Variants in SLC2A11 observed in about 807,000 individuals in gnomAD.
SLC2A11 encodes solute carrier family 2, facilitated glucose transporter member 11.
Under a neutral mutation model 52.1 loss-of-function variants are expected in SLC2A11, and 43 were observed. The observed-to-expected ratio is 0.82, with a 90% CI of 0.65 to 1.06. The LOEUF is 1.06. SLC2A11 is among the 50% of genes least tolerant of loss of function. The pLI, the probability that SLC2A11 is intolerant of heterozygous loss-of-function variation, is 0.00. For synonymous variants in SLC2A11, 261 were observed against 277.6 expected (o/e 0.94, Z 0.59); for missense variants, 582 against 654.2 (o/e 0.89, Z 1.20).
rs1211052638 is a variant in SLC2A11, at chr22:23,886,265, A to C, written c.*1416A>C. 6.6e-6 allele frequency: 1 copy of C among 152,220 alleles called. No homozygotes were observed. The highest frequency in any genetic ancestry group is 1.5e-5 in the Non-Finnish European group (1 of 68,040). The allele number at this position is 152,220 out of a possible 1,614,324, so 9.4% of individuals were successfully genotyped here. ...GTTGGTGAACATTTTGGCTGTTTCT[A>C]ATTCTTGGCCATCATGAATAAAACT... On this transcript the variant is annotated 3_prime_UTR_variant, in exon 12 of 12. Coordinates refer to ENST00000316185, the MANE Select transcript of SLC2A11 (RefSeq NM_001024939.4).
At chr22:23,857,588 G>T (rs1003030731), upstream of SLC2A11, 1 of 854,994 alleles carries the variant, frequency 1.2e-6, no homozygotes, top group Non-Finnish European at 1.5e-6. Context: ...CCCCCCCCCC[G>T]CGGCGGCGAC....
In SLC2A11 at chr22:23,884,251, G is replaced by A; in HGVS notation, c.1172-51G>A. ...ATGTCTGGGCTGGGGTCGGGGAGAG[G>A]CAGGCAGGGAACCCTGGCCAGCAGC... On this transcript the variant is annotated intron_variant, in intron 10 of 11. Transcript: ENST00000316185. This position sits in a 1 kb window ranked among gnomAD's most constrained non-coding sequence, Gnocchi z 4.3. 1 of 1,580,174 alleles carries A rather than the reference G, an allele frequency of 6.3e-7. No homozygotes were observed. The highest frequency in any genetic ancestry group is 1.3e-5 in the African/African-American group (1 of 74,334).
chr22:23,868,365 C>T, intron 2 of SLC2A11, 116 bp from the exon 3 acceptor site: 1 of 1,280,366 alleles, frequency 7.8e-7, no homozygotes, highest in South Asian at 1.3e-5. Flanking sequence ...AGACACGGTG[C>T]CTGTTGTCAT....
At position 23,857,991 on chromosome 22, in the gene SLC2A11, C is replaced by T. The variant is rs377726165; in HGVS notation, c.-9C>T. The T allele has an allele frequency of 1.3e-6, 2 of 1,591,142 alleles. No individual in the cohort carries two copies. Among genetic ancestry groups the T allele is most frequent in the Admixed American group, 1.7e-5 (1 of 57,926 alleles). On this transcript the variant is annotated 5_prime_UTR_variant, in exon 1 of 12. Coordinates refer to ENST00000316185, the MANE Select transcript of SLC2A11 (RefSeq NM_001024939.4). Reference sequence around the variant, plus strand: ...GACAGCAAGACCTCCGCTCAGGCCCCTCTTTCGAATGCTCCACGCCCTCCT... The same window carrying T: ...GACAGCAAGACCTCCGCTCAGGCCCTTCTTTCGAATGCTCCACGCCCTCCT...
intron 1 of SLC2A11, among the ~76,000 whole-genome samples, chr22:23,861,873 G>A (rs548352533): frequency 6.6e-6 from 1 of 152,318 alleles, no homozygotes. Context: ...GCTATGGGTG[G>A]GGTGAGGGTA....
chr22:23,884,706 A>T lies in SLC2A11; in HGVS notation c.1357A>T (p.Ile453Phe). 1 of 1,613,970 alleles carries T rather than the reference A, an allele frequency of 6.2e-7. No individual in the cohort carries two copies. The highest frequency in any genetic ancestry group is 2.2e-5 in the East Asian group (1 of 44,864). ...PFLGVCVCGA[I>F]YTGLFLPETK... ...CCTTGGTGTCTGTGTCTGTGGGGCC[A>T]TCTACACTGGCCTGTTCCTTCCTGA... The change falls in exon 12 of 12, where the codon ATC becomes TTC. Residue 453 changes from isoleucine to phenylalanine, a missense_variant. Transcript: ENST00000316185. This position sits in a 1 kb window ranked among gnomAD's most constrained non-coding sequence, Gnocchi z 4.3.
chr22:23,884,181 C>A lies in SLC2A11; in HGVS notation c.1172-121C>A. The A allele has an allele frequency of 6.8e-7, 1 of 1,481,344 alleles. No homozygotes were observed. Among genetic ancestry groups the A allele is most frequent in the South Asian group, 1.3e-5 (1 of 75,462 alleles). The allele number at this position is 1,481,344 out of a possible 1,614,324, so 91.8% of individuals were successfully genotyped here. A position where few individuals can be genotyped will look rare whatever the true frequency, so the allele number is the denominator to read the frequency against. On this transcript the variant is annotated intron_variant, in intron 10 of 11. Coordinates refer to ENST00000316185, the MANE Select transcript of SLC2A11 (RefSeq NM_001024939.4). The surrounding 1 kb of genome is among the most constrained non-coding windows in gnomAD (Gnocchi z 4.3). ...CTGGGAGGGAATGGCAGGAGGAGAG[C>A]ACTGAGGGGCCCCCCATACAGACTG...
intron 5 of SLC2A11, 107 bp from the exon 6 acceptor site, chr22:23,877,614 G>T (rs1236046663): frequency 1.5e-6 from 2 of 1,379,160 alleles, no homozygotes; most frequent in East Asian, 5.0e-5. Context: ...AAGAGGCACG[G>T]GGCAATTGCA....
chr22:23,874,453 A>ATT (rs35493116), intron 3 of SLC2A11, among the ~76,000 whole-genome samples: 2 of 144,346 alleles, frequency 1.4e-5, no homozygotes, highest in Non-Finnish European at 1.5e-5. Context: ...TGCATGGCTA[A>ATT]TTTTTTTTTT....
intron 6 of SLC2A11, 47 bp downstream of exon 6, chr22:23,877,916 G>A: frequency 3.8e-6 from 6 of 1,573,246 alleles, no homozygotes; most frequent in Non-Finnish European, 5.2e-6. Context: ...ACCAAGGGAT[G>A]CATCTCCCCA....
At chr22:23,868,744 C>G (rs1229213000) in intron 3 of SLC2A11, 103 bp downstream of exon 3, 22 of 1,372,542 alleles carry the variant, frequency 1.6e-5, no homozygotes, top group Non-Finnish European at 1.2e-5. Context: ...AAGCTCCAGG[C>G]CCAGATCAGC....
upstream of SLC2A11, chr22:23,857,272 A>G (rs1369532861): frequency 1.3e-6 from 1 of 776,014 alleles, no homozygotes; most frequent in Non-Finnish European, 2.1e-6. Flanking sequence ...CAGAGACTGT[A>G]GCAAAGGAGG....
At position 23,883,942 on chromosome 22, in the gene SLC2A11, AC is replaced by A. The variant is rs761155956; in HGVS notation, c.1096-6del. 6.2e-7 allele frequency: 1 copy of A among 1,611,756 alleles called. No individual in the cohort carries two copies. The highest frequency in any genetic ancestry group is 2.2e-5 in the East Asian group (1 of 44,712). On this transcript the variant is annotated splice_polypyrimidine_tract_variant and splice_region_variant and intron_variant, in intron 9 of 11. Transcript: ENST00000316185. ...CTTCCACCTCACCCCCGCCCCGTCC[AC>A]GGCAGAGCTCCTTCCCCTGGACACT...
chr22:23,859,472 G>C (rs1291106198), intron 1 of SLC2A11, among the ~76,000 whole-genome samples: 2 of 147,310 alleles, frequency 1.4e-5, no homozygotes, highest in Admixed American at 1.4e-4. Context: ...CACACTTCCT[G>C]GCTGAGATAA....
Position 23,884,586 on chromosome 22 carries a change from TG to T in SLC2A11, c.1300-60del. 1 of 1,569,580 alleles carries T rather than the reference TG, an allele frequency of 6.4e-7. No individual in the cohort carries two copies. The highest frequency in any genetic ancestry group is 8.6e-7 in the Non-Finnish European group (1 of 1,156,178). On this transcript the variant is annotated intron_variant, in intron 11 of 11. Transcript: ENST00000316185. This position sits in a 1 kb window ranked among gnomAD's most constrained non-coding sequence, Gnocchi z 4.3. ...GCAAATGCCTCCTCACGACCTGTCA[TG>T]GGCCTTCTGTTTAGGGGTTGATGGA...
rs764191903 is a variant in SLC2A11, at chr22:23,884,889, T to C, written c.*40T>C. The C allele has an allele frequency of 2.6e-6, 4 of 1,567,048 alleles. No individual in the cohort carries two copies. In the Admixed American group the frequency reaches 6.9e-5, roughly 27 times the overall value. On this transcript the variant is annotated 3_prime_UTR_variant, in exon 12 of 12. Transcript: ENST00000316185. The surrounding 1 kb of genome is among the most constrained non-coding windows in gnomAD (Gnocchi z 4.3). The stretch of plus-strand genomic sequence containing the variant: ...CCAGAGCCAAAGCCAGCTACTGTCC[T>C]GTCCTCTGCTTCCTGCCAGGGCCCT...
rs1029061389 is a variant in SLC2A11, at chr22:23,882,341, C to T, written c.695-118C>T. The T allele has an allele frequency of 1.0e-5, 9 of 881,584 alleles. No individual in the cohort carries two copies. The African/African-American group carries it at 1.3e-4, about 13-fold the overall frequency. The allele number at this position is 881,584 out of a possible 1,614,324, so 54.6% of individuals were successfully genotyped here. On this transcript the variant is annotated intron_variant, in intron 6 of 11. Coordinates refer to ENST00000316185, the MANE Select transcript of SLC2A11 (RefSeq NM_001024939.4). ...AGACACACACACACACAGACAGACTCAGAGACAGAGAGTGAGCCAAGAAGG... is the reference window on the plus strand; with the variant it reads ...AGACACACACACACACAGACAGACTTAGAGACAGAGAGTGAGCCAAGAAGG...
chr22:23,883,057 GAGACCA>G (rs2032884112), intron 8 of SLC2A11, 188 bp downstream of exon 8: 12 of 680,306 alleles, frequency 1.8e-5, no homozygotes, highest in Non-Finnish European at 3.2e-5. Context: ...TCAGGAGTTC[GAGACCA>G]GCCTGGCCAA....
At chr22:23,861,328 T>A (rs200308427) in intron 1 of SLC2A11, among the ~76,000 whole-genome samples, 22 of 35,060 alleles carry the variant, frequency 6.3e-4, no homozygotes, top group African/African-American at 1.5e-3. Flanking sequence ...AAATCCCAAC[T>A]ATCCCAACTA....
Sources: gnomAD v4.1 joint callset for allele counts (sites outside exome capture counted in the v4.1 genomes callset) on GRCh38, gnomAD v4.1.1 for gene constraint, Gnocchi (gnomAD v3.1) non-coding constraint, MANE v1.5 for transcripts, NCBI Gene and HGNC (gene_info 2026-07-23, HGNC 2026-07-21) for gene names.